RICTOR: variants seen among roughly 807,000 people sequenced by gnomAD.
RICTOR encodes the protein RPTOR independent companion of MTOR complex 2.
Under a neutral mutation model 214.9 loss-of-function variants are expected in RICTOR, and 49 were observed. The ratio of observed to expected loss-of-function variants is 0.23; its 90% CI spans 0.18 to 0.29. The LOEUF is 0.29. Ranked by LOEUF, RICTOR falls within the 10% of genes least tolerant of loss-of-function variation. RICTOR has a pLI of 1.00. For missense variants in RICTOR, 1,625 were observed against 2,047.0 expected (o/e 0.79, Z 3.98); for synonymous variants, 717 against 711.3 (o/e 1.01, Z -0.13).
Position 38,961,130 on chromosome 5 carries a change from C to G in RICTOR, c.1716-597G>C, listed in dbSNP as rs558413707. ...ACCAAAAAAAACCCCAAAAACCAAGCAAACAAAAAACCTTCATTTAAAAAA... is the reference window on the plus strand; with the variant it reads ...ACCAAAAAAAACCCCAAAAACCAAGGAAACAAAAAACCTTCATTTAAAAAA... On this transcript the variant is annotated intron_variant, in intron 19 of 37. Transcript: ENST00000357387. Among the ~76,000 whole-genome samples, 6 of 151,406 alleles carry G rather than the reference C, an allele frequency of 4.0e-5. No individual in the cohort carries two copies. The East Asian group carries it at 1.2e-3, about 29-fold the overall frequency.
At chr5:39,011,097 G>C (rs2150120801) in intron 3 of RICTOR, among the ~76,000 whole-genome samples, 1 of 152,276 alleles carries the variant, frequency 6.6e-6, no homozygotes, top group South Asian at 2.1e-4. Flanking sequence ...AGGCCTAGGA[G>C]GAAAAAGTGG....
In RICTOR at chr5:38,962,348, T is replaced by C. The variant is rs369914112; in HGVS notation, c.1682A>G (p.Asn561Ser). 8 of 1,422,634 alleles carry C rather than the reference T, an allele frequency of 5.6e-6. No individual in the cohort carries two copies. In the African/African-American group the frequency reaches 8.6e-5, roughly 15 times the overall value. 88.1% of individuals were successfully genotyped at this position (1,422,634 alleles called of 1,614,324 possible). Residue 561 changes from asparagine to serine, a missense_variant, in exon 19 of 38, where the codon AAT becomes AGT. Transcript: ENST00000357387. ...CTGTTCATCTTTATAGTTTCTTAGA[T>C]TTACATTTGGCCACTAGAAAAACAT... ...IGTILKWPNV[N>S]LRNYKDEQLH...
chr5:38,945,455 A>G (rs1276885315), intron 34 of RICTOR, 36 bp downstream of exon 34: 2 of 1,389,598 alleles, frequency 1.4e-6, no homozygotes, highest in Non-Finnish European at 2.0e-6. Context: ...TTTAGTCATC[A>G]CTAGGTTTTT....
In RICTOR at chr5:38,942,241, T is replaced by C. The variant is rs1231701403; in HGVS notation, c.*63A>G. 5 of 1,029,752 alleles carry C rather than the reference T, an allele frequency of 4.9e-6. No homozygotes were observed. The Admixed American group carries it at 9.0e-5, about 19-fold the overall frequency. The allele number at this position is 1,029,752 out of a possible 1,614,324, so 63.8% of individuals were successfully genotyped here. On this transcript the variant is annotated 3_prime_UTR_variant, in exon 38 of 38. Transcript: ENST00000357387. ...CCTAGTCAGTCGTATTTTCTGAGGC[T>C]TTTAGGAAATCCACAAATATGAATA...
At chr5:39,068,642 A>G (rs1230555930) in intron 2 of RICTOR, among the ~76,000 whole-genome samples, 1 of 152,222 alleles carries the variant, frequency 6.6e-6, no homozygotes, top group Non-Finnish European at 1.5e-5. Flanking sequence ...GGCATACAGT[A>G]GACCGAGTGA....
At chr5:39,058,764 C>A (rs1158437989) in intron 2 of RICTOR, among the ~76,000 whole-genome samples, 1 of 152,056 alleles carries the variant, frequency 6.6e-6, no homozygotes, top group Non-Finnish European at 1.5e-5. Flanking sequence ...AAATACTAAA[C>A]TGATTTTGGT....
rs1394936639 is a variant in RICTOR, at chr5:39,012,864, CT to C, written c.195+8174del. 3.3e-5 allele frequency among the ~76,000 whole-genome samples: 5 copies of C among 152,234 alleles called. No homozygotes were observed. The East Asian group carries it at 9.6e-4, about 29-fold the overall frequency. On this transcript the variant is annotated intron_variant, in intron 3 of 37. Transcript: ENST00000357387. ...TTTAATTGGCTATCAGTCACAACGCCTAGCTAAACCTGACCAAATAACATCA... is the reference window on the plus strand; with the variant it reads ...TTTAATTGGCTATCAGTCACAACGCCAGCTAAACCTGACCAAATAACATCA...
chr5:38,939,051 C>T lies in RICTOR; in HGVS notation c.*3253G>A, dbSNP rs1747255213. ...CAAAGTTCATCTCACACAAAATTAG[C>T]ACCTCACTCTTACCATGCAAAAATA... On this transcript the variant is annotated 3_prime_UTR_variant, in exon 38 of 38. Coordinates refer to ENST00000357387, the MANE Select transcript of RICTOR (RefSeq NM_152756.5). The T allele has an allele frequency of 4.3e-6, 1 of 233,100 alleles. No individual in the cohort carries two copies. Among genetic ancestry groups the T allele is most frequent in the Non-Finnish European group, 8.5e-6 (1 of 117,702 alleles). 14.4% of individuals were successfully genotyped at this position (233,100 alleles called of 1,614,324 possible).
chr5:39,037,845 A>G (rs547878918), intron 2 of RICTOR, among the ~76,000 whole-genome samples: 2 of 152,350 alleles, frequency 1.3e-5, no homozygotes, highest in East Asian at 3.9e-4. Flanking sequence ...CCAACCAAAA[A>G]AAGTCCAGGA....
chr5:39,068,103 T>TC lies in RICTOR; in HGVS notation c.97+6007dup, dbSNP rs528589474. 4.5e-3 allele frequency among the ~76,000 whole-genome samples: 692 copies of TC among 152,194 alleles called. 8 individuals are homozygous for TC. The highest frequency in any genetic ancestry group is 0.016 in the African/African-American group (671 of 41,512). On this transcript the variant is annotated intron_variant, in intron 2 of 37. Transcript: ENST00000357387. ...AAAAGCAGAGAAGGAAGCAATAAAT[T>TC]CCCACTGGGATAAGGAAAGATCTCC...
chr5:39,029,877 C>G lies in RICTOR; in HGVS notation c.98-8741G>C, dbSNP rs77103742. 6.9e-3 allele frequency among the ~76,000 whole-genome samples: 1,056 copies of G among 152,230 alleles called. 53 individuals carry two copies. The East Asian group carries it at 0.12, about 17-fold the overall frequency. ...TTAAAAGTTATTTGTTTAGCATAAC[C>G]AATTTTCACAGAGTAATCATGTGAA... is the stretch of plus-strand genomic sequence containing the variant. On this transcript the variant is annotated intron_variant, in intron 2 of 37. Transcript: ENST00000357387.
chr5:39,066,607 G>T (rs1758921983), intron 2 of RICTOR, among the ~76,000 whole-genome samples: 1 of 152,196 alleles, frequency 6.6e-6, no homozygotes, highest in African/African-American at 2.4e-5. Context: ...CCTTTATGCA[G>T]TGCTTCCTGT....
rs1435126979 is a variant in RICTOR at position 38,942,034 on chromosome 5, G to A, written c.*270C>T. The A allele has an allele frequency of 3.0e-6, 1 of 331,694 alleles. No individual in the cohort carries two copies. The highest frequency in any genetic ancestry group is 5.5e-6 in the Non-Finnish European group (1 of 183,328). The allele number at this position is 331,694 out of a possible 1,614,324, so 20.5% of individuals were successfully genotyped here. A position where few individuals can be genotyped will look rare whatever the true frequency, so the allele number is the denominator to read the frequency against. ...TAGAAAACCTATGTAGGTATTCAGT[G>A]CTTGGCTCTTGCATACAATGGTAAC... On this transcript the variant is annotated 3_prime_UTR_variant, in exon 38 of 38. Transcript: ENST00000357387.
chr5:38,982,069 G>A, intron 7 of RICTOR, 33 bp from the exon 8 acceptor site: 2 of 1,496,502 alleles, frequency 1.3e-6, no homozygotes, highest in South Asian at 1.2e-5. Context: ...ATTATATTTG[G>A]GGTAATTATT....
chr5:38,989,401 T>C (rs1752422333), intron 7 of RICTOR, among the ~76,000 whole-genome samples: 1 of 152,110 alleles, frequency 6.6e-6, no homozygotes, highest in Admixed American at 6.6e-5. Flanking sequence ...ATAAAAAACT[T>C]AGAAGAAAAC....
At chr5:39,024,297 T>G (rs1207812400) in intron 2 of RICTOR, among the ~76,000 whole-genome samples, 1 of 152,190 alleles carries the variant, frequency 6.6e-6, no homozygotes, top group East Asian at 1.9e-4. Flanking sequence ...GTTTAGCGTA[T>G]GTCTTTATAC....
rs200384090 is a variant in RICTOR at position 38,953,479 on chromosome 5, T to C, written c.2772A>G (p.Lys924=). ...LDKWEEIKKL[K]ASLWALGNIG... is the part of the protein sequence containing the mutation. ...TACAAACCAAGGCCCAAAGAGATGC[T>C]TTCAGTTTTTTAATTTCTTCCCACT... Residue 924 remains lysine, a synonymous_variant, in exon 28 of 38, where the codon AAA becomes AAG. Coordinates refer to ENST00000357387, the MANE Select transcript of RICTOR (RefSeq NM_152756.5). 30 of 1,477,218 alleles carry C rather than the reference T, an allele frequency of 2.0e-5. 1 individual carries two copies. The East Asian group carries it at 6.2e-4, about 31-fold the overall frequency. 91.5% of individuals were successfully genotyped at this position (1,477,218 alleles called of 1,614,324 possible).
chr5:38,969,003 C>CTCA (rs1750486708), intron 11 of RICTOR, among the ~76,000 whole-genome samples: 1 of 133,606 alleles, frequency 7.5e-6, no homozygotes, highest in Admixed American at 8.2e-5. Context: ...GGCAGTCTCG[C>CTCA]TCATCTCCCA....
intron 2 of RICTOR, among the ~76,000 whole-genome samples, chr5:39,049,020 GCCA>G (rs1757676073): frequency 6.6e-6 from 1 of 152,164 alleles, no homozygotes; most frequent in Non-Finnish European, 1.5e-5. Flanking sequence ...AGACTCTGAA[GCCA>G]CCACATGTGA....
Sources: gnomAD v4.1 joint callset for allele counts (sites outside exome capture counted in the v4.1 genomes callset) on GRCh38, gnomAD v4.1.1 for gene constraint, MANE v1.5 for transcripts, NCBI Gene and HGNC (gene_info 2026-07-23, HGNC 2026-07-21) for gene names.